CPSF4L: variants seen among roughly 807,000 people sequenced by gnomAD.
CPSF4L encodes putative cleavage and polyadenylation specificity factor subunit 4-like protein.
Under a neutral mutation model 24.0 loss-of-function variants are expected in CPSF4L, and 18 were observed. The observed-to-expected ratio is 0.75, with a 90% CI of 0.52 to 1.11. CPSF4L has a LOEUF of 1.11. CPSF4L is among the 50% of genes least tolerant of loss of function. The pLI is 0.00. For synonymous variants in CPSF4L, 72 were observed against 77.2 expected (o/e 0.93, Z 0.35); for missense variants, 211 against 221.8 (o/e 0.95, Z 0.31).
chr17:73,253,667 G>T (rs1416292598), intron 4 of CPSF4L, among the ~76,000 whole-genome samples: 1 of 152,226 alleles, frequency 6.6e-6, no homozygotes, highest in Non-Finnish European at 1.5e-5. Flanking sequence ...TTCCTGTGTG[G>T]TTCAGTAACT....
chr17:73,250,545 A>C (rs2062000952), intron 5 of CPSF4L, among the ~76,000 whole-genome samples: 1 of 152,194 alleles, frequency 6.6e-6, no homozygotes, highest in Non-Finnish European at 1.5e-5. Flanking sequence ...ATCCCAATAA[A>C]ACTATTCTCT....
At chr17:73,259,046 T>TTA (rs201624162) in intron 2 of CPSF4L, among the ~76,000 whole-genome samples, 1 of 152,154 alleles carries the variant, frequency 6.6e-6, no homozygotes, top group South Asian at 2.1e-4. Context: ...TTCTTTAATT[T>TTA]ATTTATTTAT....
chr17:73,245,363 C>T (rs545342044), downstream of CPSF4L: 17 of 1,348,408 alleles, frequency 1.3e-5, no homozygotes, highest in Middle Eastern at 4.1e-4. Context: ...AGGAAGTAAA[C>T]GTATTATTAA....
chr17:73,251,087 G>C, intron 5 of CPSF4L: 1 of 1,546,952 alleles, frequency 6.5e-7, no homozygotes, highest in Non-Finnish European at 8.7e-7. Context: ...CTGAATCCCG[G>C]GGCCGGCTGG....
At chr17:73,247,921 T>C (rs1476724477), downstream of CPSF4L, 1 of 154,658 alleles carries the variant, frequency 6.5e-6, no homozygotes, top group African/African-American at 2.4e-5. Context: ...CCTTGTCTGC[T>C]CATTGCTGCC....
upstream of CPSF4L, chr17:73,262,465 G>T (rs557952931): frequency 5.9e-5 from 9 of 152,316 alleles, no homozygotes; most frequent in African/African-American, 2.2e-4. Flanking sequence ...TGTTTACCTC[G>T]CACACAATCG....
At chr17:73,245,059 A>G, downstream of CPSF4L, 2 of 1,036,590 alleles carry the variant, frequency 1.9e-6, no homozygotes, top group Non-Finnish European at 2.9e-6. Flanking sequence ...TTAATACTCT[A>G]TTTCTAAACT....
At chr17:73,247,324 A>G (rs756316082), downstream of CPSF4L, 12 of 1,614,052 alleles carry the variant, frequency 7.4e-6, no homozygotes, top group Admixed American at 6.7e-5. Context: ...TTGCCGCTCT[A>G]AAACATGTTT....
At chr17:73,251,224 C>T in intron 5 of CPSF4L, 3 of 1,188,170 alleles carry the variant, frequency 2.5e-6, no homozygotes, top group Non-Finnish European at 3.3e-6. Flanking sequence ...GTTCAAGATG[C>T]CTTTAGTTAC....
the CPSF4L span, chr17:73,242,788 T>C: frequency 1.3e-6 from 1 of 767,898 alleles, no homozygotes; most frequent in Admixed American, 2.7e-5. Context: ...TGTAAATCTC[T>C]GAATTACAGT....
chr17:73,243,093 T>TTTTG, the CPSF4L span: 280 of 991,286 alleles, frequency 2.8e-4, 3 homozygotes, highest in African/African-American at 3.3e-3. Context: ...TTTTTTTTTT[T>TTTTG]TTTTTTTTAC....
In CPSF4L at chr17:73,252,652, C is replaced by A; in HGVS notation, c.475G>T (p.Gly159Ter). The A allele has an allele frequency of 6.4e-7, 1 of 1,551,256 alleles. No homozygotes were observed. The highest frequency in any genetic ancestry group is 8.7e-7 in the Non-Finnish European group (1 of 1,146,674). ...TACTGAGCAAATTGGCACTTGGGTC[C>A]CTCGGGGCAGAAGCCAACTAAATAG... ...LNYLVGFCPEGPKCQFAQKIR... is the reference protein window; with the variant it reads ...LNYLVGFCPE Residue 159 changes from glycine to a stop codon, truncating the protein, a stop_gained, in exon 5 of 6, where the codon GGA becomes TGA. Coordinates refer to ENST00000344935, the MANE Select transcript of CPSF4L (RefSeq NM_001129885.1). LOFTEE classifies it low-confidence loss of function (END_TRUNC).
chr17:73,246,134 G>T (rs2061947327), downstream of CPSF4L, among the ~76,000 whole-genome samples: 1 of 152,108 alleles, frequency 6.6e-6, no homozygotes, highest in South Asian at 2.1e-4. Flanking sequence ...TAACGTAGAG[G>T]GTTAGTTATA....
chr17:73,257,880 T>C, intron 2 of CPSF4L, 47 bp from the exon 3 acceptor site: 1 of 1,544,270 alleles, frequency 6.5e-7, no homozygotes, highest in Non-Finnish European at 8.7e-7. Context: ...ATCCACAGCC[T>C]GGGCCCAGCT....
At chr17:73,256,100 T>C (rs953702249) in intron 3 of CPSF4L, among the ~76,000 whole-genome samples, 2 of 152,176 alleles carry the variant, frequency 1.3e-5, no homozygotes, top group African/African-American at 2.4e-5. Context: ...CCTCTACTAA[T>C]TGGAGTTATC....
chr17:73,242,463 G>T, the CPSF4L span: 1 of 672,442 alleles, frequency 1.5e-6, no homozygotes, highest in South Asian at 2.2e-5. Context: ...ATGTTAAAAT[G>T]TGTGTTGTCT....
At chr17:73,262,100 C>T (rs2062049500), upstream of CPSF4L, 4 of 438,392 alleles carry the variant, frequency 9.1e-6, no homozygotes, top group Admixed American at 3.6e-5. Flanking sequence ...TTCGCAGAGC[C>T]CCACAAACTG....
In CPSF4L at chr17:73,257,783, T is replaced by C; in HGVS notation, c.205A>G (p.Lys69Glu). 6.4e-7 allele frequency: 1 copy of C among 1,551,582 alleles called. No homozygotes were observed. The highest frequency in any genetic ancestry group is 8.7e-7 in the Non-Finnish European group (1 of 1,146,954). Residue 69 changes from lysine to glutamate, a missense_variant, in exon 3 of 6, where the codon AAG becomes GAG. Lys to Glu is a moderately conservative substitution (Grantham distance 56, BLOSUM62 1). Coordinates refer to ENST00000344935, the MANE Select transcript of CPSF4L (RefSeq NM_001129885.1). ...HDRGEKMVVC[K>E]HWLRGLCKKG... ...TTGCAGAGCCCCCGGAGCCAGTGCT[T>C]GCATACCACCATCTTCTCCCCTCGG...
At chr17:73,261,294 C>T (rs754820604) in intron 1 of CPSF4L, among the ~76,000 whole-genome samples, 31 of 152,198 alleles carry the variant, frequency 2.0e-4, no homozygotes, top group Non-Finnish European at 3.8e-4. Context: ...TGGGTTGCCC[C>T]GAAGCCACAG....
Sources: gnomAD v4.1 joint callset for allele counts (sites outside exome capture counted in the v4.1 genomes callset) on GRCh38, gnomAD v4.1.1 for gene constraint, MANE v1.5 for transcripts, NCBI Gene and HGNC (gene_info 2026-07-23, HGNC 2026-07-21) for gene names.